The following ADGRF1 variants were observed in gnomAD, a reference collection of about 807,000 sequenced individuals.
The protein encoded by ADGRF1 is G protein-coupled receptor 110.
Under a neutral mutation model 87.2 loss-of-function variants are expected in ADGRF1, and 85 were observed. The observed-to-expected ratio is 0.97, with a 90% CI of 0.82 to 1.17. ADGRF1 has a LOEUF of 1.17. Ranked by LOEUF, ADGRF1 falls within the 50% of genes most tolerant of loss-of-function variation. The pLI is 0.00. For synonymous variants in ADGRF1, 430 were observed against 408.8 expected (o/e 1.05, Z -0.63); for missense variants, 1,169 against 1,077.2 (o/e 1.09, Z -1.19).
Position 47,000,251 on chromosome 6 carries a change from T to C in ADGRF1, c.2704A>G (p.Met902Val), listed in dbSNP as rs1261194536. The C allele has an allele frequency of 4.4e-6, 7 of 1,608,612 alleles. No individual in the cohort carries two copies. In the African/African-American group the frequency reaches 5.3e-5, roughly 12 times the overall value. Reference sequence around the variant, plus strand: ...TCATTTGAGACAAACTGAGTTAGCATGATGTTGTCGGAGGAATCTCCAGTA... The same window carrying C: ...TCATTTGAGACAAACTGAGTTAGCACGATGTTGTCGGAGGAATCTCCAGTA... ...SHTGDSSDNI[M>V]LTQFVSNE is the part of the protein sequence containing the mutation. Residue 902 changes from methionine (M) to valine (V), a missense_variant, in exon 15 of 15, where the codon ATG (methionine) becomes GTG (valine). Coordinates refer to ENST00000371253, the MANE Select transcript of ADGRF1 (RefSeq NM_153840.4).
chr6:47,001,029 T>C (rs749058494), intron 14 of ADGRF1, among the ~76,000 whole-genome samples: 2 of 152,234 alleles, frequency 1.3e-5, no homozygotes, highest in Non-Finnish European at 2.9e-5. Flanking sequence ...GAGGAGACAG[T>C]GCTCTTTCAC....
At chr6:47,041,562 T>C (rs904916383) in intron 1 of ADGRF1, among the ~76,000 whole-genome samples, 1 of 152,198 alleles carries the variant, frequency 6.6e-6, no homozygotes, top group African/African-American at 2.4e-5. Context: ...AGAAAAATTA[T>C]ATATTTTCAA....
intron 7 of ADGRF1, chr6:47,020,068 C>A (rs1052920148): frequency 9.0e-6 from 9 of 1,004,412 alleles, no homozygotes; most frequent in African/African-American, 1.7e-5. Flanking sequence ...AACCCGCAAC[C>A]CTTATCCCCA....
chr6:47,021,589 G>A (rs1780052658), intron 6 of ADGRF1, among the ~76,000 whole-genome samples: 1 of 152,110 alleles, frequency 6.6e-6, no homozygotes, highest in Non-Finnish European at 1.5e-5. Flanking sequence ...TCGAACTCCT[G>A]ACCTCAAGTG....
intron 7 of ADGRF1, chr6:47,018,501 C>T (rs1779946964): frequency 7.8e-7 from 1 of 1,289,606 alleles, no homozygotes; most frequent in South Asian, 1.2e-5. Flanking sequence ...TATGTCCATT[C>T]TATTGATTAC....
chr6:47,013,545 C>A, intron 9 of ADGRF1: 23 of 985,424 alleles, frequency 2.3e-5, no homozygotes, highest in Non-Finnish European at 1.9e-5. Flanking sequence ...GTCTTGGGGT[C>A]CTTCTTTTCT....
chr6:47,010,271 G>A lies in ADGRF1; in HGVS notation c.1164C>T (p.Thr388=), dbSNP rs1779667717. The A allele has an allele frequency of 6.2e-7, 1 of 1,613,298 alleles. No individual in the cohort carries two copies. The highest frequency in any genetic ancestry group is 1.3e-5 in the African/African-American group (1 of 74,888). ...CTTCCCGCAGTAAGACTGTCCAGTT[G>A]GTTACTGAGGCTGAATTAAGGATAT... ...ADNILNSASV[T]NWTVLLREEK... is the part of the protein sequence containing the mutation. Residue 388 remains threonine, a synonymous_variant, in exon 11 of 15, where the codon ACC becomes ACT. Transcript: ENST00000371253.
chr6:47,024,259 T>C (rs1780159584), intron 4 of ADGRF1, 42 bp from the exon 5 acceptor site: 1 of 1,424,190 alleles, frequency 7.0e-7, no homozygotes, highest in Middle Eastern at 1.8e-4. Context: ...TTCTGGTTTA[T>C]AAACTGACTA....
At chr6:47,002,072 A>G (rs1779379118) in intron 13 of ADGRF1, 1 of 153,054 alleles carries the variant, frequency 6.5e-6, no homozygotes, top group Non-Finnish European at 1.5e-5. Context: ...TTATAAAATT[A>G]AATAAAATAT....
At chr6:47,007,633 G>C (rs1333598772) in intron 11 of ADGRF1, among the ~76,000 whole-genome samples, 1 of 152,210 alleles carries the variant, frequency 6.6e-6, no homozygotes, top group Non-Finnish European at 1.5e-5. Context: ...CTTTAGACCA[G>C]GCATTTGATG....
Position 47,027,822 on chromosome 6 carries a change from T to C in ADGRF1, c.70-61A>G, listed in dbSNP as rs1333513060. 5.2e-6 allele frequency: 5 copies of C among 953,498 alleles called. No individual in the cohort carries two copies. The Admixed American group carries it at 9.2e-5, about 18-fold the overall frequency. The allele number at this position is 953,498 out of a possible 1,614,324, so 59.1% of individuals were successfully genotyped here. On this transcript the variant is annotated intron_variant, in intron 2 of 14. Coordinates refer to ENST00000371253, the MANE Select transcript of ADGRF1 (RefSeq NM_153840.4). ...TTGAAGAGTTGTGCTTCATAAGGCC[T>C]TGCTGAGTTTCCCAGATGAATTAAA...
chr6:47,003,274 C>T (rs1476905667), intron 13 of ADGRF1, among the ~76,000 whole-genome samples: 1 of 152,160 alleles, frequency 6.6e-6, no homozygotes, highest in Non-Finnish European at 1.5e-5. Flanking sequence ...CAACCAAACT[C>T]TAGCATAGCA....
chr6:47,032,389 A>T (rs562450764), intron 1 of ADGRF1, among the ~76,000 whole-genome samples: 209 of 152,248 alleles, frequency 1.4e-3, no homozygotes, highest in African/African-American at 3.8e-3. Context: ...AATAAACAAT[A>T]TTTTTTTAGT....
chr6:47,011,080 G>A (rs1000773419), intron 10 of ADGRF1, among the ~76,000 whole-genome samples: 14 of 152,054 alleles, frequency 9.2e-5, no homozygotes, highest in African/African-American at 3.4e-4. Flanking sequence ...TACTTCTACT[G>A]CCCCTAGAAA....
At chr6:47,033,120 A>G (rs564226809) in intron 1 of ADGRF1, among the ~76,000 whole-genome samples, 4 of 152,340 alleles carry the variant, frequency 2.6e-5, no homozygotes, top group African/African-American at 9.6e-5. Flanking sequence ...TCATTAGAGC[A>G]TGACATGTTT....
chr6:47,040,246 C>T (rs1442390939), intron 1 of ADGRF1, among the ~76,000 whole-genome samples: 3 of 152,022 alleles, frequency 2.0e-5, no homozygotes, highest in Non-Finnish European at 2.9e-5. Context: ...AGGAGGATCA[C>T]GAGGTCAGGA....
chr6:47,027,779 A>AT lies in ADGRF1; in HGVS notation c.70-19_70-18insA, dbSNP rs397771615. On this transcript the variant is annotated intron_variant, in intron 2 of 14. Coordinates refer to ENST00000371253, the MANE Select transcript of ADGRF1 (RefSeq NM_153840.4). Reference sequence around the variant, plus strand: ...TCATTTTTCTGTTAAAAAGAAAAAAAATAGTTACGGTGAGACTTTGAAGAG... The same window carrying AT: ...TCATTTTTCTGTTAAAAAGAAAAAAATATAGTTACGGTGAGACTTTGAAGAG... 16 of 1,405,160 alleles carry AT rather than the reference A, an allele frequency of 1.1e-5. No homozygotes were observed. Among genetic ancestry groups the AT allele is most frequent in the Non-Finnish European group, 1.5e-5 (15 of 990,758 alleles). 87.0% of individuals were successfully genotyped at this position (1,405,160 alleles called of 1,614,324 possible). A position where few individuals can be genotyped will look rare whatever the true frequency, so the allele number is the denominator to read the frequency against.
intron 5 of ADGRF1, 91 bp from the exon 6 acceptor site, chr6:47,022,149 A>G: frequency 1.3e-6 from 1 of 756,022 alleles, no homozygotes; most frequent in South Asian, 1.7e-5. Flanking sequence ...ATTCAGAGTC[A>G]TCTATTCAAC....
At chr6:47,017,991 G>T (rs1017519192) in intron 7 of ADGRF1, 2 of 168,874 alleles carry the variant, frequency 1.2e-5, no homozygotes, top group Admixed American at 5.7e-5. Context: ...CTCCAGGATT[G>T]GGTCTCTGCA....
Sources: allele counts gnomAD v4.1 joint callset (sites outside exome capture counted in the v4.1 genomes callset), GRCh38; gene constraint gnomAD v4.1.1; transcripts MANE v1.5; gene names NCBI Gene and HGNC (gene_info 2026-07-23, HGNC 2026-07-21).